The following WSCD1 variants were observed in gnomAD, a reference collection of about 807,000 sequenced individuals.
WSCD1 encodes the protein WSC domain sialate O sulfotransferase 1.
WSCD1 carries 41 observed loss-of-function variants against 60.4 expected under a neutral mutation model. That is an observed-to-expected ratio of 0.68 (90% CI 0.53 to 0.88). WSCD1 has a LOEUF of 0.88. WSCD1 is among the 40% of genes least tolerant of loss of function. The pLI is 0.00. For missense variants in WSCD1, 784 were observed against 796.2 expected, an observed-to-expected ratio of 0.98 and a Z score of 0.18; for synonymous variants, 361 against 332.5, an observed-to-expected ratio of 1.09 and a Z score of -0.93.
At position 6,088,042 on chromosome 17, in the gene WSCD1, A is replaced by T. The variant is rs756094757; in HGVS notation, c.480A>T (p.Gly160=). ...ATGGCCACGAGAGGACTCTGAAAGGAGCTGTGTTTTATGACTTGAGAAAGA... is the reference window on the plus strand; with the variant it reads ...ATGGCCACGAGAGGACTCTGAAAGGTGCTGTGTTTTATGACTTGAGAAAGA... ...SDDGHERTLK[G]AVFYDLRKMT... Residue 160 remains glycine, a synonymous_variant, in exon 3 of 9, where the codon GGA becomes GGT. Coordinates refer to ENST00000317744, the MANE Select transcript of WSCD1 (RefSeq NM_015253.2). 1 of 1,614,090 alleles carries T rather than the reference A, an allele frequency of 6.2e-7. No individual in the cohort carries two copies. Among genetic ancestry groups the T allele is most frequent in the Non-Finnish European group, 8.5e-7 (1 of 1,180,004 alleles).
intron 7 of WSCD1, among the ~76,000 whole-genome samples, chr17:6,114,069 A>G (rs1420339447): frequency 1.3e-5 from 2 of 151,752 alleles, no homozygotes; most frequent in African/African-American, 4.8e-5. Flanking sequence ...CATACACAAT[A>G]GCCAAGGTAT....
At chr17:6,076,797 C>T (rs1418063198) in intron 1 of WSCD1, among the ~76,000 whole-genome samples, 3 of 152,138 alleles carry the variant, frequency 2.0e-5, no homozygotes, top group East Asian at 1.9e-4. Flanking sequence ...AGGTGTTGGC[C>T]GGTTGTGCTG....
chr17:6,090,457 C>A lies in WSCD1; in HGVS notation c.679C>A (p.Arg227=). ...GGGCTCTGTGTGCGGGGCTGTGGACCGGCTCTCCGTGTACCGTGTGGACGA... is the reference window on the plus strand; with the variant it reads ...GGGCTCTGTGTGCGGGGCTGTGGACAGGCTCTCCGTGTACCGTGTGGACGA... The part of the protein sequence containing the change: ...EKGSVCGAVD[R]LSVYRVDELQ... Residue 227 remains arginine (R), a synonymous_variant, in exon 4 of 9, where the codon CGG becomes AGG. Coordinates refer to ENST00000317744, the MANE Select transcript of WSCD1 (RefSeq NM_015253.2). The A allele has an allele frequency of 6.2e-7, 1 of 1,613,316 alleles. No homozygotes were observed.
At chr17:6,090,254 C>G in intron 3 of WSCD1, 67 bp from the exon 4 acceptor site, 1 of 1,434,766 alleles carries the variant, frequency 7.0e-7, no homozygotes, top group Non-Finnish European at 9.3e-7. Context: ...CTGAAACAGT[C>G]TGCAGTTTAG....
At position 6,121,538 on chromosome 17, in the gene WSCD1, C is replaced by T. The variant is rs1346205605; in HGVS notation, c.*877C>T. ...GGAAGCTGGAGATTCAAGTCATGCC[C>T]CAGAAGCAAGGTGTAAGCATGGGGG... On this transcript the variant is annotated 3_prime_UTR_variant, in exon 9 of 9. Coordinates refer to ENST00000317744, the MANE Select transcript of WSCD1 (RefSeq NM_015253.2). The T allele has an allele frequency of 6.6e-6, 1 of 152,268 alleles. No individual in the cohort carries two copies. The highest frequency in any genetic ancestry group is 1.5e-5 in the Non-Finnish European group (1 of 68,144). 9.4% of individuals were successfully genotyped at this position (152,268 alleles called of 1,614,324 possible). A position where few individuals can be genotyped will look rare whatever the true frequency, so the allele number is the denominator to read the frequency against.
intron 1 of WSCD1, among the ~76,000 whole-genome samples, chr17:6,079,216 C>T (rs956569111): frequency 1.3e-5 from 2 of 152,270 alleles, no homozygotes; most frequent in Admixed American, 6.5e-5. Flanking sequence ...CACCCGCTGT[C>T]TGTCCCTGGT....
Position 6,118,020 on chromosome 17 carries a change from C to A in WSCD1, c.1207C>A (p.Arg403=). 4 of 1,614,046 alleles carry A rather than the reference C, an allele frequency of 2.5e-6. No homozygotes were observed. Among genetic ancestry groups the A allele is most frequent in the Non-Finnish European group, 3.4e-6 (4 of 1,180,018 alleles). Residue 403 remains arginine (R), a synonymous_variant, in exon 8 of 9, where the codon CGA becomes AGA. Coordinates refer to ENST00000317744, the MANE Select transcript of WSCD1 (RefSeq NM_015253.2). The surrounding 1 kb of genome is among the most constrained non-coding windows in gnomAD (Gnocchi z 5.8). Reference sequence around the variant, plus strand: ...GGGCGAAAAGGACCACTGGCGGAGCCGACGCACCATCTGTGTCAAAACCCA... The same window carrying A: ...GGGCGAAAAGGACCACTGGCGGAGCAGACGCACCATCTGTGTCAAAACCCA... ...FKGEKDHWRS[R]RTICVKTHES...
rs1303652138 is a variant in WSCD1, at chr17:6,121,866, A to C, written c.*1205A>C. 3 of 152,296 alleles carry C rather than the reference A, an allele frequency of 2.0e-5. No individual in the cohort carries two copies. The highest frequency in any genetic ancestry group is 6.5e-5 in the Admixed American group (1 of 15,278). The allele number at this position is 152,296 out of a possible 1,614,324, so 9.4% of individuals were successfully genotyped here. ...TGAGGCTGTGGAGGCCAGGAGGTTC[A>C]AGTATGGAGGGTAGGAGTGCAACCC... On this transcript the variant is annotated 3_prime_UTR_variant, in exon 9 of 9. Coordinates refer to ENST00000317744, the MANE Select transcript of WSCD1 (RefSeq NM_015253.2).
At position 6,080,503 on chromosome 17, in the gene WSCD1, A is replaced by G; in HGVS notation, c.-156A>G. 1.4e-6 allele frequency: 1 copy of G among 717,552 alleles called. No individual in the cohort carries two copies. The highest frequency in any genetic ancestry group is 2.3e-6 in the Non-Finnish European group (1 of 435,150). The allele number at this position is 717,552 out of a possible 1,614,324, so 44.4% of individuals were successfully genotyped here. ...ATGGTGCCATTTGAACACCTACTGG[A>G]AACGGGGCAGGAACAGTGAGTGACC... is the stretch of plus-strand genomic sequence containing the variant. On this transcript the variant is annotated 5_prime_UTR_variant, in exon 2 of 9. Transcript: ENST00000317744. The surrounding 1 kb of genome is among the most constrained non-coding windows in gnomAD (Gnocchi z 6.6).
In WSCD1 at chr17:6,120,351, C is replaced by T. The variant is rs202000703; in HGVS notation, c.1418C>T (p.Ser473Leu). ...FVNSYASWWS[S>L]HVLDWLKYGK... ...AACAGCTACGCCTCGTGGTGGTCCT[C>T]GCACGTCCTGGACTGGCTCAAGTAC... Residue 473 changes from serine to leucine, a missense_variant, in exon 9 of 9, where the codon TCG becomes TTG. Transcript: ENST00000317744. 7.4e-5 allele frequency: 120 copies of T among 1,614,092 alleles called. No individual in the cohort carries two copies. The highest frequency in any genetic ancestry group is 8.7e-5 in the Non-Finnish European group (103 of 1,179,994).
At chr17:6,113,076 A>C (rs1911495849) in intron 7 of WSCD1, among the ~76,000 whole-genome samples, 1 of 152,190 alleles carries the variant, frequency 6.6e-6, no homozygotes, top group Non-Finnish European at 1.5e-5. Context: ...AAAAAACAGC[A>C]TGGTACTGCT....
chr17:6,123,526 G>A lies in WSCD1; in HGVS notation c.*2865G>A, dbSNP rs1904829341. On this transcript the variant is annotated 3_prime_UTR_variant, in exon 9 of 9. Transcript: ENST00000317744. ...AGTGCATGAATCTGTGATAATGTTT[G>A]CATATCAGAATGCATTCTCCCCTTA... 6.6e-6 allele frequency: 1 copy of A among 152,156 alleles called. No homozygotes were observed. The highest frequency in any genetic ancestry group is 1.5e-5 in the Non-Finnish European group (1 of 68,030). 9.4% of individuals were successfully genotyped at this position (152,156 alleles called of 1,614,324 possible).
intron 2 of WSCD1, among the ~76,000 whole-genome samples, chr17:6,084,019 T>A (rs896268366): frequency 1.2e-4 from 18 of 152,102 alleles, no homozygotes; most frequent in African/African-American, 4.3e-4. Context: ...TATCAGTTGT[T>A]AAAATAATTA....
At position 6,080,511 on chromosome 17, in the gene WSCD1, C is replaced by A; in HGVS notation, c.-148C>A. The A allele has an allele frequency of 1.3e-6, 1 of 765,568 alleles. No homozygotes were observed. The highest frequency in any genetic ancestry group is 2.1e-6 in the Non-Finnish European group (1 of 472,536). The allele number at this position is 765,568 out of a possible 1,614,324, so 47.4% of individuals were successfully genotyped here. On this transcript the variant is annotated 5_prime_UTR_variant, in exon 2 of 9. Transcript: ENST00000317744. The surrounding 1 kb of genome is among the most constrained non-coding windows in gnomAD (Gnocchi z 6.6). Reference sequence around the variant, plus strand: ...ATTTGAACACCTACTGGAAACGGGGCAGGAACAGTGAGTGACCCCAGGCGA... The same window carrying A: ...ATTTGAACACCTACTGGAAACGGGGAAGGAACAGTGAGTGACCCCAGGCGA...
Position 6,075,840 on chromosome 17 carries a change from A to C in WSCD1, c.-288-4531A>C, listed in dbSNP as rs79114145. On this transcript the variant is annotated intron_variant, in intron 1 of 8. Coordinates refer to ENST00000317744, the MANE Select transcript of WSCD1 (RefSeq NM_015253.2). The surrounding 1 kb of genome is among the most constrained non-coding windows in gnomAD (Gnocchi z 4.1). ...TCCAAGATGGGAGGTGCCCACAGGA[A>C]GCACACCTTGGGGAAAAATTCTCCA... 0.024 allele frequency among the ~76,000 whole-genome samples: 3,709 copies of C among 152,190 alleles called. 150 individuals are homozygous for C. Among genetic ancestry groups the C allele is most frequent in the African/African-American group, 0.084 (3,485 of 41,518 alleles).
intron 7 of WSCD1, among the ~76,000 whole-genome samples, chr17:6,117,742 C>T (rs901188279): frequency 6.6e-6 from 1 of 152,230 alleles, no homozygotes; most frequent in Non-Finnish European, 1.5e-5. Flanking sequence ...TACCTCATCT[C>T]ATTTCTCTTG....
At chr17:6,120,204 C>G in intron 8 of WSCD1, 105 bp from the exon 9 acceptor site, 3 of 1,220,902 alleles carry the variant, frequency 2.5e-6, no homozygotes, top group Non-Finnish European at 3.5e-6. Context: ...AGGCAGTGGA[C>G]AGTGGAAAAC....
At chr17:6,111,062 T>C (rs1352244266) in intron 7 of WSCD1, 127 bp downstream of exon 7, 1 of 1,144,596 alleles carries the variant, frequency 8.7e-7, no homozygotes, top group African/African-American at 2.1e-5. Context: ...GAGTCACCTG[T>C]GGGTGGAGCC....
At chr17:6,079,170 C>T (rs896698861) in intron 1 of WSCD1, among the ~76,000 whole-genome samples, 3 of 152,192 alleles carry the variant, frequency 2.0e-5, no homozygotes, top group Admixed American at 2.0e-4. Flanking sequence ...TTTCTGGGGG[C>T]CTGGAATGCC....
Sources: allele counts gnomAD v4.1 joint callset (sites outside exome capture counted in the v4.1 genomes callset), GRCh38; gene constraint gnomAD v4.1.1; non-coding constraint Gnocchi (gnomAD v3.1); transcripts MANE v1.5; gene names NCBI Gene and HGNC (gene_info 2026-07-23, HGNC 2026-07-21).